MLXIP: variants seen among roughly 807,000 people sequenced by gnomAD.
MLXIP encodes MLX interacting protein, also known as MLX-interacting protein.
A neutral mutation model predicts 87.2 loss-of-function variants in MLXIP; 30 were observed. The ratio of observed to expected loss-of-function variants is 0.34; its 90% CI spans 0.26 to 0.47. MLXIP has a LOEUF of 0.47. Among genes scored for constraint, MLXIP ranks in the 20% least tolerant of loss-of-function variants. The pLI, the probability that MLXIP is intolerant of heterozygous loss-of-function variation, is 1.00. For synonymous variants in MLXIP, 530 were observed against 514.0 expected (o/e 1.03, Z -0.42); for missense variants, 1,002 against 1,240.1 (o/e 0.81, Z 2.88).
At chr12:122,128,967 T>TA (rs1464351051) in intron 3 of MLXIP, 170 bp from the exon 4 acceptor site, 4 of 633,398 alleles carry the variant, frequency 6.3e-6, no homozygotes, top group Non-Finnish European at 1.1e-5. Flanking sequence ...GAGGGTCTGC[T>TA]ATAGCATGGA....
intron 1 of MLXIP, among the ~76,000 whole-genome samples, chr12:122,122,096 G>A (rs1477289816): frequency 6.6e-6 from 1 of 152,180 alleles, no homozygotes; most frequent in African/African-American, 2.4e-5. Flanking sequence ...AGGAGGTGGA[G>A]GCCAGAGGAG....
At chr12:122,121,586 T>C (rs1219802442) in intron 1 of MLXIP, among the ~76,000 whole-genome samples, 1 of 151,970 alleles carries the variant, frequency 6.6e-6, no homozygotes, top group Non-Finnish European at 1.5e-5. Context: ...TGCTTTCTTT[T>C]GGAGAGAATG....
chr12:122,134,677 CT>C (rs141853208), intron 9 of MLXIP: 4,644 of 132,090 alleles, frequency 0.035, 190 homozygotes, highest in African/African-American at 0.11. Flanking sequence ...TCTCTATTCT[CT>C]TTTTTTTTTT....
At chr12:122,131,069 T>G (rs1405646400) in intron 7 of MLXIP, 136 bp downstream of exon 7, 6 of 626,446 alleles carry the variant, frequency 9.6e-6, no homozygotes, top group Non-Finnish European at 1.7e-5. Context: ...TTTTTTAAAC[T>G]GAACTGTTTT....
chr12:122,106,595 CTTTTTTTTT>C (rs1162475087), intron 1 of MLXIP, among the ~76,000 whole-genome samples: 2 of 62,872 alleles, frequency 3.2e-5, no homozygotes, highest in African/African-American at 1.2e-4. Flanking sequence ...ATCGCAGGTT[CTTTTTTTTT>C]TTTTTTTTTT....
At position 122,146,216 on chromosome 12, in the gene MLXIP, G is replaced by A. The variant is rs956003346; in HGVS notation, c.*4404G>A. 2.3e-4 allele frequency: 35 copies of A among 152,480 alleles called. No individual in the cohort carries two copies. Among genetic ancestry groups the A allele is most frequent in the African/African-American group, 8.4e-4 (35 of 41,572 alleles). The allele number at this position is 152,480 out of a possible 1,614,324, so 9.4% of individuals were successfully genotyped here. On this transcript the variant is annotated 3_prime_UTR_variant, in exon 17 of 17. Coordinates refer to ENST00000319080, the MANE Select transcript of MLXIP (RefSeq NM_014938.6). ...TCCGGGCCCTCGACATCTCTGCTTT[G>A]GGGGATTTTTACCTTGTCTGCACAC...
chr12:122,135,874 G>T lies in MLXIP; in HGVS notation c.2032+208G>T. 1.6e-6 allele frequency: 1 copy of T among 614,938 alleles called. No individual in the cohort carries two copies. The highest frequency in any genetic ancestry group is 2.7e-6 in the Non-Finnish European group (1 of 376,470). The allele number at this position is 614,938 out of a possible 1,614,324, so 38.1% of individuals were successfully genotyped here. A position where few individuals can be genotyped will look rare whatever the true frequency, so the allele number is the denominator to read the frequency against. On this transcript the variant is annotated intron_variant, in intron 11 of 16. Transcript: ENST00000319080. This position sits in a 1 kb window ranked among gnomAD's most constrained non-coding sequence, Gnocchi z 5.3. ...TGTGGTGGCACTGGCAGGGCAAAAA[G>T]TAGTGAACATGTGGCAGTGTAGGTG...
Position 122,078,948 on chromosome 12 carries a change from A to G in MLXIP, c.95A>G (p.Asp32Gly). 9.0e-7 allele frequency: 1 copy of G among 1,114,314 alleles called. No individual in the cohort carries two copies. The highest frequency in any genetic ancestry group is 2.7e-5 in the South Asian group (1 of 36,384). The allele number at this position is 1,114,314 out of a possible 1,614,324, so 69.0% of individuals were successfully genotyped here. Residue 32 changes from aspartate to glycine, a missense_variant, in exon 1 of 17, where the codon GAC becomes GGC. Asp to Gly is a moderately conservative substitution (Grantham distance 94, BLOSUM62 -1). Transcript: ENST00000319080. Reference protein sequence around the residue: ...LKPQVSEDDDDSDTDEPSPPP... With the variant: ...LKPQVSEDDDGSDTDEPSPPP... Reference sequence around the variant, plus strand: ...CCCCAGGTGTCCGAGGACGACGACGACTCGGACACGGATGAGCCGTCCCCG... The same window carrying G: ...CCCCAGGTGTCCGAGGACGACGACGGCTCGGACACGGATGAGCCGTCCCCG...
chr12:122,112,597 A>G (rs1207852956), intron 1 of MLXIP, among the ~76,000 whole-genome samples: 1 of 151,992 alleles, frequency 6.6e-6, no homozygotes, highest in African/African-American at 2.4e-5. Flanking sequence ...CAGTGAGCCA[A>G]GATCGTGCCA....
At chr12:122,112,367 G>C (rs1166939331) in intron 1 of MLXIP, among the ~76,000 whole-genome samples, 4 of 152,158 alleles carry the variant, frequency 2.6e-5, no homozygotes, top group Non-Finnish European at 5.9e-5. Context: ...GGCCGGGCGT[G>C]GTGGCTCACG....
Position 122,143,465 on chromosome 12 carries a change from T to C in MLXIP, c.*1653T>C, listed in dbSNP as rs925576344. On this transcript the variant is annotated 3_prime_UTR_variant, in exon 17 of 17. Transcript: ENST00000319080. ...TCACCTTCCTGTGGGGTGAACGTAA[T>C]GAGGCGGGGCTGGTCCTTGGAATTT... 1.3e-5 allele frequency: 2 copies of C among 152,334 alleles called. No homozygotes were observed. The highest frequency in any genetic ancestry group is 2.9e-5 in the Non-Finnish European group (2 of 68,112). The allele number at this position is 152,334 out of a possible 1,614,324, so 9.4% of individuals were successfully genotyped here.
At chr12:122,098,982 A>G (rs1952396559) in intron 1 of MLXIP, among the ~76,000 whole-genome samples, 1 of 152,250 alleles carries the variant, frequency 6.6e-6, no homozygotes, top group African/African-American at 2.4e-5. Flanking sequence ...TCACGCCTGT[A>G]ATCCCAGCAC....
rs1211598963 is a variant in MLXIP, at chr12:122,079,010, C to T, written c.157C>T (p.His53Tyr). ...CGGCGCGGCCACCCCGGCCCGGGCC[C>T]ACGCGAGCGCCGCGCCACCGCCGCC... is the stretch of plus-strand genomic sequence containing the variant. ...ASGAATPARA[H>Y]ASAAPPPPRA... is the part of the protein sequence containing the mutation. The change falls in exon 1 of 17, where the codon CAC becomes TAC. Residue 53 changes from histidine (H) to tyrosine (Y), a missense_variant. By Grantham distance (83) the His-to-Tyr change is moderately conservative (BLOSUM62 2). This residue lies in a region of MLXIP where 129 missense variants were observed against 104.2 expected (regional missense o/e 1.24). Coordinates refer to ENST00000319080, the MANE Select transcript of MLXIP (RefSeq NM_014938.6). 7 of 1,235,978 alleles carry T rather than the reference C, an allele frequency of 5.7e-6. No homozygotes were observed. The highest frequency in any genetic ancestry group is 7.1e-6 in the Non-Finnish European group (7 of 987,958). 76.6% of individuals were successfully genotyped at this position (1,235,978 alleles called of 1,614,324 possible).
Position 122,085,904 on chromosome 12 carries a change from G to A in MLXIP, c.413+6638G>A, listed in dbSNP as rs548653985. 5.9e-5 allele frequency among the ~76,000 whole-genome samples: 9 copies of A among 152,298 alleles called. No homozygotes were observed. In the East Asian group the frequency reaches 1.7e-3, roughly 29 times the overall value. On this transcript the variant is annotated intron_variant, in intron 1 of 16. Coordinates refer to ENST00000319080, the MANE Select transcript of MLXIP (RefSeq NM_014938.6). ...GGTCATATGGCAAAGGCGAATTAAG[G>A]TTACAGATGGAATCAAGGTTGCTGG...
chr12:122,093,596 GGT>G (rs1189979033), intron 1 of MLXIP, among the ~76,000 whole-genome samples: 16 of 137,772 alleles, frequency 1.2e-4, no homozygotes, highest in Admixed American at 5.7e-4. Context: ...TGGTGTGTAT[GGT>G]GTGTGTTTGT....
At chr12:122,129,041 A>C in intron 3 of MLXIP, 96 bp from the exon 4 acceptor site, 3 of 992,540 alleles carry the variant, frequency 3.0e-6, no homozygotes, top group Non-Finnish European at 4.7e-6. Flanking sequence ...TGGATTGCCT[A>C]AGGCCTGATT....
At chr12:122,104,987 G>A (rs140201625) in intron 1 of MLXIP, among the ~76,000 whole-genome samples, 6,466 of 152,212 alleles carry the variant, frequency 0.042, 426 homozygotes, top group African/African-American at 0.15. Flanking sequence ...TGCATTTGTC[G>A]TTTCCTGGTG....
In MLXIP at chr12:122,133,940, A is replaced by G. The variant is rs1953033227; in HGVS notation, c.1685A>G (p.Lys562Arg). The change falls in exon 9 of 17, where the codon AAA (lysine) becomes AGA (arginine). Residue 562 changes from lysine to arginine, a missense_variant. Coordinates refer to ENST00000319080, the MANE Select transcript of MLXIP (RefSeq NM_014938.6). The surrounding 1 kb of genome is among the most constrained non-coding windows in gnomAD (Gnocchi z 4.9). ...KQPHKIVPAP[K>R]PEPVSLVLKN... ...CCCCACAAAATAGTGCCTGCTCCCA[A>G]ACCAGAGCCCGTGTCCTTGGTGTTG... 1 of 1,607,332 alleles carries G rather than the reference A, an allele frequency of 6.2e-7. No individual in the cohort carries two copies. Among genetic ancestry groups the G allele is most frequent in the African/African-American group, 1.3e-5 (1 of 74,810 alleles).
At chr12:122,139,834 C>A (rs12322391) in intron 15 of MLXIP, among the ~76,000 whole-genome samples, 3 of 152,282 alleles carry the variant, frequency 2.0e-5, no homozygotes, top group Admixed American at 1.3e-4. Flanking sequence ...CCACCACGCC[C>A]GGCTAATTTT....
Sources: gnomAD v4.1 joint callset for allele counts (sites outside exome capture counted in the v4.1 genomes callset) on GRCh38, gnomAD v4.1.1 for gene constraint, gnomAD v4.1.1 regional missense constraint, Gnocchi (gnomAD v3.1) non-coding constraint, MANE v1.5 for transcripts, NCBI Gene and HGNC (gene_info 2026-07-23, HGNC 2026-07-21) for gene names.